The following PRUNE2 variants were observed in gnomAD, a reference collection of about 807,000 sequenced individuals.
PRUNE2 encodes the protein protein prune homolog 2.
In PRUNE2, 164 loss-of-function variants were observed where a neutral mutation model predicts 252.0. That is an observed-to-expected ratio of 0.65 (90% CI 0.57 to 0.74). PRUNE2 has a LOEUF of 0.74. PRUNE2 is among the 30% of genes least tolerant of loss of function. The pLI, the probability that PRUNE2 is intolerant of heterozygous loss-of-function variation, is 0.00. For synonymous variants in PRUNE2, 1,292 were observed against 1,350.2 expected (o/e 0.96, Z 0.94); for missense variants, 3,495 against 3,711.0 (o/e 0.94, Z 1.51).
Position 76,709,029 on chromosome 9 carries a change from G to A in PRUNE2, c.3245C>T (p.Pro1082Leu). The change falls in exon 8 of 19, where the codon CCC becomes CTC. Residue 1082 changes from proline to leucine, a missense_variant. Physicochemically the swap from Pro to Leu is moderately conservative, Grantham distance 98 (BLOSUM62 -3). Transcript: ENST00000376718. ...GESSQSSYDD[P>L]SMMQLYNETN... Reference sequence around the variant, plus strand: ...TTCATTGTACAGTTGCATCATGCTGGGGTCGTCGTAACTGGACTGGCTGCT... The same window carrying A: ...TTCATTGTACAGTTGCATCATGCTGAGGTCGTCGTAACTGGACTGGCTGCT... 1 of 1,613,938 alleles carries A rather than the reference G, an allele frequency of 6.2e-7. No individual in the cohort carries two copies. Among genetic ancestry groups the A allele is most frequent in the Non-Finnish European group, 8.5e-7 (1 of 1,179,880 alleles).
chr9:76,858,857 G>A (rs911129856), intron 1 of PRUNE2, among the ~76,000 whole-genome samples: 3 of 152,088 alleles, frequency 2.0e-5, no homozygotes, highest in Non-Finnish European at 4.4e-5. Flanking sequence ...GCTAAGGAAA[G>A]AACAGGTACC....
At chr9:76,767,959 C>T (rs1455743562) in intron 6 of PRUNE2, among the ~76,000 whole-genome samples, 2 of 152,168 alleles carry the variant, frequency 1.3e-5, no homozygotes, top group East Asian at 3.9e-4. Flanking sequence ...AATAATTGTA[C>T]ATTCACATCT....
At chr9:76,717,878 T>A (rs2047297362) in intron 6 of PRUNE2, among the ~76,000 whole-genome samples, 1 of 152,222 alleles carries the variant, frequency 6.6e-6, no homozygotes, top group Admixed American at 6.5e-5. Flanking sequence ...GGTCGATGAC[T>A]AAACATTTTT....
At chr9:76,802,577 GCAA>G (rs1194703763) in intron 6 of PRUNE2, among the ~76,000 whole-genome samples, 1 of 151,964 alleles carries the variant, frequency 6.6e-6, no homozygotes, top group Non-Finnish European at 1.5e-5. Context: ...TGCTTCTTTA[GCAA>G]CAAAAACAAA....
chr9:76,648,193 G>A (rs762484286), intron 11 of PRUNE2, among the ~76,000 whole-genome samples: 5 of 152,092 alleles, frequency 3.3e-5, no homozygotes, highest in African/African-American at 7.3e-5. Context: ...AATGCAAAGC[G>A]ACAGGAACTC....
At chr9:76,620,110 T>C (rs534598299) in intron 17 of PRUNE2, among the ~76,000 whole-genome samples, 16 of 151,942 alleles carry the variant, frequency 1.1e-4, no homozygotes, top group African/African-American at 3.9e-4. Context: ...TGAATACTCA[T>C]TACACCTCAA....
chr9:76,744,240 T>C (rs1265673446), intron 6 of PRUNE2, among the ~76,000 whole-genome samples: 1 of 152,160 alleles, frequency 6.6e-6, no homozygotes, highest in South Asian at 2.1e-4. Flanking sequence ...TCTTGTAAGA[T>C]TTAAATTAGA....
At chr9:76,642,786 C>T (rs1843109750) in intron 12 of PRUNE2, among the ~76,000 whole-genome samples, 1 of 152,152 alleles carries the variant, frequency 6.6e-6, no homozygotes, top group Admixed American at 6.5e-5. Context: ...AGTATCTTTA[C>T]CTACAGAGCA....
intron 9 of PRUNE2, 125 bp downstream of exon 9, chr9:76,703,212 G>T: frequency 1.3e-6 from 1 of 743,768 alleles, no homozygotes; most frequent in Non-Finnish European, 2.1e-6. Context: ...GGTGTGCCTT[G>T]CATTCAATAT....
chr9:76,842,492 T>A (rs572247724), intron 4 of PRUNE2, among the ~76,000 whole-genome samples: 142 of 123,304 alleles, frequency 1.2e-3, no homozygotes, highest in African/African-American at 6.3e-3. Context: ...ACAAATAAGA[T>A]CTAATTAAAG....
intron 1 of PRUNE2, among the ~76,000 whole-genome samples, chr9:76,885,897 C>T (rs889533441): frequency 6.6e-5 from 10 of 151,982 alleles, no homozygotes; most frequent in South Asian, 6.2e-4. Context: ...CTATGCAATG[C>T]GGCCGGGTGC....
chr9:76,854,180 T>C lies in PRUNE2; in HGVS notation c.65A>G (p.His22Arg). The C allele has an allele frequency of 6.2e-7, 1 of 1,601,582 alleles. No homozygotes were observed. The highest frequency in any genetic ancestry group is 1.3e-5 in the African/African-American group (1 of 74,912). Reference protein sequence around the residue: ...LNRSKRLEKVHVVIGPKSCDL... With the variant: ...LNRSKRLEKVRVVIGPKSCDL... ...ACACGATTTAGGCCCAATAACCACA[T>C]GGACCTTCTCCAAGCGTTTGCTTCG... The change falls in exon 2 of 19, where the codon CAT becomes CGT. Residue 22 changes from histidine (H) to arginine (R), a missense_variant. Coordinates refer to ENST00000376718, the MANE Select transcript of PRUNE2 (RefSeq NM_015225.3).
At chr9:76,771,099 C>T (rs563242774) in intron 6 of PRUNE2, among the ~76,000 whole-genome samples, 6 of 151,996 alleles carry the variant, frequency 3.9e-5, no homozygotes, top group Middle Eastern at 3.4e-3. Context: ...AAACAGAAAA[C>T]GCCACAGAAA....
chr9:76,708,717 T>A lies in PRUNE2; in HGVS notation c.3557A>T (p.Asp1186Val). The change falls in exon 8 of 19, where the codon GAT becomes GTT. Residue 1186 changes from aspartate (D) to valine (V), a missense_variant. Physicochemically the swap from Asp to Val is radical, Grantham distance 152. Transcript: ENST00000376718. ...GLEYQEANQV[D>V]WELPASDEHT... ...CTCATCAGAGGCAGGGAGCTCCCAA[T>A]CTACCTGATTTGCTTCCTGATACTC... 6.2e-7 allele frequency: 1 copy of A among 1,613,974 alleles called. No individual in the cohort carries two copies. Among genetic ancestry groups the A allele is most frequent in the Non-Finnish European group, 8.5e-7 (1 of 1,179,880 alleles).
At chr9:76,738,540 G>C (rs566710014) in intron 6 of PRUNE2, 2 of 152,058 alleles carry the variant, frequency 1.3e-5, no homozygotes, top group Admixed American at 1.3e-4. Flanking sequence ...ATTTATCTTC[G>C]GGCTGGTAAT....
At chr9:76,864,381 C>G (rs1024239856) in intron 1 of PRUNE2, among the ~76,000 whole-genome samples, 3 of 152,052 alleles carry the variant, frequency 2.0e-5, no homozygotes, top group African/African-American at 7.2e-5. Context: ...CCATCTGTAT[C>G]CTAAACCTCA....
chr9:76,851,573 A>T (rs2059965116), intron 2 of PRUNE2, among the ~76,000 whole-genome samples: 1 of 151,298 alleles, frequency 6.6e-6, no homozygotes, highest in Non-Finnish European at 1.5e-5. Context: ...ACACACACAC[A>T]CTTTTAATTA....
chr9:76,680,646 G>A (rs188342936), intron 9 of PRUNE2, among the ~76,000 whole-genome samples: 8 of 152,252 alleles, frequency 5.3e-5, no homozygotes, highest in Admixed American at 3.3e-4. Context: ...CAACTCAAGC[G>A]CCCATTAATG....
intron 17 of PRUNE2, among the ~76,000 whole-genome samples, chr9:76,624,233 A>G (rs1319574553): frequency 6.6e-6 from 1 of 152,150 alleles, no homozygotes. Flanking sequence ...AACAACAACA[A>G]CAGTGACAAA....
Sources: allele counts gnomAD v4.1 joint callset (sites outside exome capture counted in the v4.1 genomes callset), GRCh38; gene constraint gnomAD v4.1.1; transcripts MANE v1.5; gene names NCBI Gene and HGNC (gene_info 2026-07-23, HGNC 2026-07-21).